The following DCLK1 variants were observed in gnomAD, a reference collection of about 807,000 sequenced individuals.
DCLK1 encodes the protein doublecortin like kinase 1.
In DCLK1, 16 loss-of-function variants were observed where a neutral mutation model predicts 86.2. That is an observed-to-expected ratio of 0.19 (90% CI 0.13 to 0.28). The LOEUF is 0.28. DCLK1 is among the 10% of genes least tolerant of loss of function. DCLK1 has a pLI of 1.00. For synonymous variants in DCLK1, 369 were observed against 370.5 expected (o/e 1.00, Z 0.05); for missense variants, 590 against 940.2 (o/e 0.63, Z 4.87).
At chr13:35,957,864 A>G (rs1294379781) in intron 3 of DCLK1, among the ~76,000 whole-genome samples, 3 of 35,554 alleles carry the variant, frequency 8.4e-5, no homozygotes, top group Non-Finnish European at 2.3e-4. Flanking sequence ...TTCAAACAAC[A>G]ACAATCCCAC....
intron 7 of DCLK1, among the ~76,000 whole-genome samples, chr13:35,838,313 G>GA (rs150239538): frequency 0.019 from 2,859 of 151,694 alleles, 101 homozygotes; most frequent in African/African-American, 0.065. Flanking sequence ...ACTTTTTTCG[G>GA]AAAAAAAATT....
At chr13:35,954,833 CT>C (rs1005546125) in intron 3 of DCLK1, among the ~76,000 whole-genome samples, 32 of 151,746 alleles carry the variant, frequency 2.1e-4, no homozygotes, top group African/African-American at 5.6e-4. Flanking sequence ...AGCTCTAAGA[CT>C]TTTTTTTAAA....
At chr13:35,963,305 A>T (rs914096600) in intron 3 of DCLK1, among the ~76,000 whole-genome samples, 3 of 152,200 alleles carry the variant, frequency 2.0e-5, no homozygotes, top group African/African-American at 7.2e-5. Context: ...GACACTAAAA[A>T]CCAAATGCAT....
chr13:35,899,356 TGTGTGTGTGTGTGAGAGAGA>T (rs1332226154), intron 4 of DCLK1, among the ~76,000 whole-genome samples: 1 of 92,114 alleles, frequency 1.1e-5, no homozygotes, highest in African/African-American at 3.8e-5. Flanking sequence ...TGTGTGTGTG[TGTGTGTGTGTGTGAGAGAGA>T]GAGAGAGAGA....
At chr13:36,022,852 T>A (rs1056067655) in intron 3 of DCLK1, among the ~76,000 whole-genome samples, 1 of 152,186 alleles carries the variant, frequency 6.6e-6, no homozygotes, top group African/African-American at 2.4e-5. Flanking sequence ...CAATTCTTTA[T>A]AAACTCTTCC....
At chr13:35,822,920 C>T in intron 10 of DCLK1, 45 bp from the exon 11 acceptor site, 1 of 1,606,946 alleles carries the variant, frequency 6.2e-7, no homozygotes. Context: ...ACAGACGGGC[C>T]AGTGGGGCCA....
At chr13:35,806,386 A>C (rs997917493) in intron 14 of DCLK1, among the ~76,000 whole-genome samples, 2 of 152,178 alleles carry the variant, frequency 1.3e-5, no homozygotes, top group Non-Finnish European at 2.9e-5. Flanking sequence ...AGAAAAATAG[A>C]ACTATTGAGA....
At chr13:35,903,971 T>C (rs1874534951) in intron 4 of DCLK1, among the ~76,000 whole-genome samples, 1 of 152,218 alleles carries the variant, frequency 6.6e-6, no homozygotes, top group African/African-American at 2.4e-5. Context: ...GTTAGTTTTG[T>C]TTCCAGTGAA....
intron 3 of DCLK1, among the ~76,000 whole-genome samples, chr13:36,092,573 G>A (rs1329979958): frequency 1.6e-5 from 2 of 128,728 alleles, no homozygotes; most frequent in Admixed American, 8.9e-5. Flanking sequence ...TGCAAGCTCC[G>A]CCTCCCGGGT....
intron 3 of DCLK1, among the ~76,000 whole-genome samples, chr13:36,012,265 T>C (rs1312141387): frequency 6.8e-6 from 1 of 147,032 alleles, no homozygotes; most frequent in Non-Finnish European, 1.5e-5. Flanking sequence ...TTTGATCCTG[T>C]CATTATGATG....
chr13:35,967,590 T>C (rs1878840702), intron 3 of DCLK1, among the ~76,000 whole-genome samples: 1 of 152,208 alleles, frequency 6.6e-6, no homozygotes. Context: ...TTAAGGGTGG[T>C]GCAAGATGTG....
chr13:35,911,521 G>C (rs149482265), intron 4 of DCLK1, among the ~76,000 whole-genome samples: 1 of 152,168 alleles, frequency 6.6e-6, no homozygotes, highest in African/African-American at 2.4e-5. Flanking sequence ...TAGACATGTG[G>C]GGCCACATCA....
intron 4 of DCLK1, among the ~76,000 whole-genome samples, chr13:35,919,398 C>A (rs1412156349): frequency 2.0e-5 from 3 of 152,146 alleles, no homozygotes; most frequent in Admixed American, 2.0e-4. Flanking sequence ...CACACAAACC[C>A]TTGCATCCAG....
At chr13:35,958,984 G>A (rs1878300039) in intron 3 of DCLK1, among the ~76,000 whole-genome samples, 1 of 152,154 alleles carries the variant, frequency 6.6e-6, no homozygotes, top group Admixed American at 6.5e-5. Context: ...AAGGTTGAGA[G>A]AGATGGCAAT....
chr13:36,081,138 C>T (rs143817905), intron 3 of DCLK1, among the ~76,000 whole-genome samples: 13 of 151,844 alleles, frequency 8.6e-5, no homozygotes, highest in South Asian at 2.1e-4. Flanking sequence ...TTCAGCATAA[C>T]ATTAATTAAA....
Position 36,126,005 on chromosome 13 carries a change from G to A in DCLK1, c.133C>T (p.Arg45Cys). The A allele has an allele frequency of 1.2e-6, 2 of 1,614,066 alleles. No individual in the cohort carries two copies. The highest frequency in any genetic ancestry group is 1.1e-5 in the South Asian group (1 of 91,076). Reference sequence around the variant, plus strand: ...TCGGAGCTGAGCGTCTGCAGCGTGCGGGTGCGGTAGAAGCTGCAGTGGGCG... The same window carrying A: ...TCGGAGCTGAGCGTCTGCAGCGTGCAGGTGCGGTAGAAGCTGCAGTGGGCG... ...HSAHCSFYRT[R>C]TLQTLSSEKK... The change falls in exon 2 of 17, where the codon CGC becomes TGC. Residue 45 changes from arginine (R) to cysteine (C), a missense_variant. Arg to Cys is a radical substitution (Grantham distance 180, BLOSUM62 -3). Around this residue, in one of 6 missense-constraint regions of DCLK1, gnomAD observed 195 missense variants for 365.1 expected, o/e 0.53. Coordinates refer to ENST00000360631, the MANE Select transcript of DCLK1 (RefSeq NM_001330071.2).
In DCLK1 at chr13:35,772,250, C is replaced by G. The variant is rs1409847733; in HGVS notation, c.*2285G>C. The G allele has an allele frequency of 6.6e-6, 1 of 152,222 alleles. No homozygotes were observed. Among genetic ancestry groups the G allele is most frequent in the East Asian group, 1.9e-4 (1 of 5,190 alleles). 9.4% of individuals were successfully genotyped at this position (152,222 alleles called of 1,614,324 possible). ...CCCCTAGCTTCACACGGTCCAGAGTCCCCCTAGACGTCGATGGGAAAAGGC... is the reference window on the plus strand; with the variant it reads ...CCCCTAGCTTCACACGGTCCAGAGTGCCCCTAGACGTCGATGGGAAAAGGC... On this transcript the variant is annotated 3_prime_UTR_variant, in exon 17 of 17. Coordinates refer to ENST00000360631, the MANE Select transcript of DCLK1 (RefSeq NM_001330071.2).
At chr13:35,965,444 G>C (rs1447421939) in intron 3 of DCLK1, among the ~76,000 whole-genome samples, 1 of 152,160 alleles carries the variant, frequency 6.6e-6, no homozygotes, top group Non-Finnish European at 1.5e-5. Flanking sequence ...AATTCCATCT[G>C]ATAGTGCCAT....
intron 3 of DCLK1, among the ~76,000 whole-genome samples, chr13:35,993,756 T>C (rs1175198334): frequency 6.6e-6 from 1 of 151,762 alleles, no homozygotes; most frequent in Non-Finnish European, 1.5e-5. Context: ...ATCAAAGACA[T>C]CTAGCCACAA....
Sources: gnomAD v4.1 joint callset for allele counts (sites outside exome capture counted in the v4.1 genomes callset) on GRCh38, gnomAD v4.1.1 for gene constraint, gnomAD v4.1.1 regional missense constraint, MANE v1.5 for transcripts, NCBI Gene and HGNC (gene_info 2026-07-23, HGNC 2026-07-21) for gene names.